PMEPA1: variants seen among roughly 807,000 people sequenced by gnomAD.
PMEPA1 encodes the protein prostate transmembrane protein, androgen induced 1, also known as protein TMEPAI.
In PMEPA1, 11 loss-of-function variants were observed where a neutral mutation model predicts 23.0. The observed-to-expected ratio is 0.48, with a 90% CI of 0.30 to 0.79. The LOEUF is 0.79. Ranked by LOEUF, PMEPA1 falls within the 30% of genes least tolerant of loss-of-function variation. PMEPA1 has a pLI of 0.06. For missense variants in PMEPA1, 377 were observed against 390.9 expected, an observed-to-expected ratio of 0.96 and a Z score of 0.30; for synonymous variants, 204 against 166.4, an observed-to-expected ratio of 1.23 and a Z score of -1.74.
At position 57,709,779 on chromosome 20, in the gene PMEPA1, G is replaced by C. The variant is rs2072144443; in HGVS notation, c.-197C>G. On this transcript the variant is annotated 5_prime_UTR_variant, in exon 1 of 4. Coordinates refer to ENST00000341744, the MANE Select transcript of PMEPA1 (RefSeq NM_020182.5). ...AGTGCGCGGGACCGCGCTCCGCTGC[G>C]CCCCCCCGGCCTCCCCTCGGCAGCC... The C allele has an allele frequency of 1.0e-6, 1 of 980,666 alleles. No homozygotes were observed. Among genetic ancestry groups the C allele is most frequent in the South Asian group, 4.6e-5 (1 of 21,828 alleles). 60.7% of individuals were successfully genotyped at this position (980,666 alleles called of 1,614,324 possible). A position where few individuals can be genotyped will look rare whatever the true frequency, so the allele number is the denominator to read the frequency against.
intron 2 of PMEPA1, among the ~76,000 whole-genome samples, chr20:57,659,191 C>T (rs1568963652): frequency 2.6e-5 from 4 of 152,216 alleles, no homozygotes; most frequent in South Asian, 2.1e-4. Context: ...CCTCCTGGAA[C>T]GTCAGCTCCA....
intron 2 of PMEPA1, among the ~76,000 whole-genome samples, chr20:57,658,120 G>A (rs2071353301): frequency 6.6e-6 from 1 of 152,216 alleles, no homozygotes; most frequent in South Asian, 2.1e-4. Flanking sequence ...GGAGTTCACC[G>A]TCAGAGGCGG....
At position 57,709,511 on chromosome 20, in the gene PMEPA1, G is replaced by T; in HGVS notation, c.72C>A (p.Cys24Ter). ...TCTGGAACAAAGAGCGTTTGCAGTT[G>T]CACGTGCAGGAGACATTGGGCTGCC... ...AAGQPNVSCTCNCKRSLFQSM... is the reference protein window; with the variant it reads ...AAGQPNVSCT Residue 24 changes from cysteine (C) to a stop codon, truncating the protein, a stop_gained, in exon 1 of 4, where the codon TGC becomes TGA. Transcript: ENST00000341744. LOFTEE classifies it high-confidence loss of function. 1 of 1,143,264 alleles carries T rather than the reference G, an allele frequency of 8.7e-7. No individual in the cohort carries two copies. The highest frequency in any genetic ancestry group is 1.1e-6 in the Non-Finnish European group (1 of 909,534). The allele number at this position is 1,143,264 out of a possible 1,614,324, so 70.8% of individuals were successfully genotyped here. A position where few individuals can be genotyped will look rare whatever the true frequency, so the allele number is the denominator to read the frequency against.
intron 1 of PMEPA1, among the ~76,000 whole-genome samples, chr20:57,702,540 A>G (rs1481901645): frequency 1.3e-5 from 2 of 152,208 alleles, no homozygotes; most frequent in African/African-American, 4.8e-5. Flanking sequence ...ATGGGCTTGC[A>G]GTCTTGGGAG....
chr20:57,702,242 A>T (rs560308741), intron 1 of PMEPA1, among the ~76,000 whole-genome samples: 1 of 152,270 alleles, frequency 6.6e-6, no homozygotes, highest in South Asian at 2.1e-4. Flanking sequence ...GCCCCTGCGG[A>T]GGCTGTGTCT....
At chr20:57,657,905 C>T (rs75044901) in intron 2 of PMEPA1, among the ~76,000 whole-genome samples, 4,307 of 152,246 alleles carry the variant, frequency 0.028, 209 homozygotes, top group African/African-American at 0.098. Context: ...AGAGACGTGC[C>T]GCAGCCCCAG....
In PMEPA1 at chr20:57,653,058, G is replaced by C; in HGVS notation, c.293C>G (p.Thr98Arg). The change falls in exon 3 of 4, where the codon ACA (threonine) becomes AGA (arginine). Residue 98 changes from threonine to arginine, a missense_variant. This residue lies in a region of PMEPA1 where 198 missense variants were observed against 196.3 expected (regional missense o/e 1.01). Transcript: ENST00000341744. ...CTCTGGGATTCCGTTGCCTGACACTGTGCTCTCCGAGGGCCACAGGCATCC... is the reference window on the plus strand; with the variant it reads ...CTCTGGGATTCCGTTGCCTGACACTCTGCTCTCCGAGGGCCACAGGCATCC... ...SEGCLWPSES[T>R]VSGNGIPEPQ... The C allele has an allele frequency of 1.3e-6, 2 of 1,594,560 alleles. No homozygotes were observed. The highest frequency in any genetic ancestry group is 1.7e-6 in the Non-Finnish European group (2 of 1,170,366).
Position 57,652,614 on chromosome 20 carries a change from C to A in PMEPA1, c.319-16G>T, listed in dbSNP as rs1448699285. On this transcript the variant is annotated splice_polypyrimidine_tract_variant and intron_variant, in intron 3 of 3. Transcript: ENST00000341744. This position sits in a 1 kb window ranked among gnomAD's most constrained non-coding sequence, Gnocchi z 6.1. ...AGACCTGCGGCTGGAGGAAGCAGAGCGGGAGTGAGGGAGGGCGGCTGTCTC... is the reference window on the plus strand; with the variant it reads ...AGACCTGCGGCTGGAGGAAGCAGAGAGGGAGTGAGGGAGGGCGGCTGTCTC... 4 of 1,455,506 alleles carry A rather than the reference C, an allele frequency of 2.7e-6. No individual in the cohort carries two copies. The highest frequency in any genetic ancestry group is 1.4e-5 in the South Asian group (1 of 69,248). 90.2% of individuals were successfully genotyped at this position (1,455,506 alleles called of 1,614,324 possible).
chr20:57,663,278 C>T (rs967624740), intron 1 of PMEPA1, among the ~76,000 whole-genome samples: 6 of 152,126 alleles, frequency 3.9e-5, no homozygotes, highest in Admixed American at 6.5e-5. Flanking sequence ...CAAGGGTTGC[C>T]GAGACTACGG....
chr20:57,686,420 T>C (rs1414006589), intron 1 of PMEPA1, among the ~76,000 whole-genome samples: 1 of 152,124 alleles, frequency 6.6e-6, no homozygotes, highest in African/African-American at 2.4e-5. Flanking sequence ...CTGTCCTCCC[T>C]TCCTTCCTTT....
At chr20:57,688,612 G>A (rs1436156428) in intron 1 of PMEPA1, among the ~76,000 whole-genome samples, 2 of 152,200 alleles carry the variant, frequency 1.3e-5, no homozygotes, top group African/African-American at 4.8e-5. Flanking sequence ...ACTCTGCCAG[G>A]CAGGGAACTT....
At chr20:57,654,636 C>T (rs748735347) in intron 2 of PMEPA1, among the ~76,000 whole-genome samples, 1 of 152,170 alleles carries the variant, frequency 6.6e-6, no homozygotes, top group Non-Finnish European at 1.5e-5. Flanking sequence ...TCCACCCACC[C>T]TTGATCCCCT....
chr20:57,675,813 T>C (rs981778194), intron 1 of PMEPA1, among the ~76,000 whole-genome samples: 1 of 152,250 alleles, frequency 6.6e-6, no homozygotes, highest in African/African-American at 2.4e-5. Flanking sequence ...TCTGTCTGTC[T>C]GTCTCCGGTG....
chr20:57,672,209 G>C (rs1358498475), intron 1 of PMEPA1, among the ~76,000 whole-genome samples: 4 of 152,266 alleles, frequency 2.6e-5, no homozygotes, highest in Non-Finnish European at 2.9e-5. Context: ...GCGCACGTGT[G>C]TGCCTGCATG....
intron 1 of PMEPA1, among the ~76,000 whole-genome samples, chr20:57,703,511 T>C (rs2072038859): frequency 6.6e-6 from 1 of 152,052 alleles, no homozygotes; most frequent in Non-Finnish European, 1.5e-5. Context: ...AGCCTGGCAG[T>C]GGATTAAGGG....
In PMEPA1 at chr20:57,704,033, C is replaced by T. The variant is rs1416200405; in HGVS notation, c.109+5441G>A. 6.6e-6 allele frequency among the ~76,000 whole-genome samples: 1 copy of T among 152,112 alleles called. No individual in the cohort carries two copies. The highest frequency in any genetic ancestry group is 1.9e-4 in the East Asian group (1 of 5,182). ...CCCTCGGTCTCACTCCTAACCCACC[C>T]ACAGCAGGGCAGGTCACTTGATGAG... On this transcript the variant is annotated intron_variant, in intron 1 of 3. Transcript: ENST00000341744. This position sits in a 1 kb window ranked among gnomAD's most constrained non-coding sequence, Gnocchi z 4.6.
Position 57,699,944 on chromosome 20 carries a change from T to A in PMEPA1, c.109+9530A>T, listed in dbSNP as rs1279271604. ...ATGTTTCGACAGTCCGCGTTTTACA[T>A]ATATCATACATAAAATACAAATGTA... On this transcript the variant is annotated intron_variant, in intron 1 of 3. Transcript: ENST00000341744. 5 of 449,594 alleles carry A rather than the reference T, an allele frequency of 1.1e-5. No individual in the cohort carries two copies. In the East Asian group the frequency reaches 3.5e-4, roughly 32 times the overall value. The allele number at this position is 449,594 out of a possible 1,614,324, so 27.9% of individuals were successfully genotyped here.
chr20:57,701,812 A>G (rs1049355730), intron 1 of PMEPA1, among the ~76,000 whole-genome samples: 1 of 152,188 alleles, frequency 6.6e-6, no homozygotes, highest in Non-Finnish European at 1.5e-5. Flanking sequence ...ATCTCTTGAA[A>G]GTTCACCTGC....
intron 1 of PMEPA1, among the ~76,000 whole-genome samples, chr20:57,700,639 A>T (rs1490857791): frequency 1.3e-5 from 2 of 152,134 alleles, no homozygotes; most frequent in Non-Finnish European, 2.9e-5. Flanking sequence ...GCCACTGGGG[A>T]TTTTCAACTT....
Sources: allele counts gnomAD v4.1 joint callset (sites outside exome capture counted in the v4.1 genomes callset), GRCh38; gene constraint gnomAD v4.1.1; regional missense constraint gnomAD v4.1.1; non-coding constraint Gnocchi (gnomAD v3.1); transcripts MANE v1.5; gene names NCBI Gene and HGNC (gene_info 2026-07-23, HGNC 2026-07-21).